Variants in WWOX observed in about 807,000 individuals in gnomAD.
The protein encoded by WWOX is WW domain-containing oxidoreductase.
In WWOX, 69 loss-of-function variants were observed where a neutral mutation model predicts 46.2. That is an observed-to-expected ratio of 1.49 (90% CI 1.23 to 1.82). The LOEUF is 1.82. WWOX is among the 40% of genes most tolerant of loss of function. The probability of loss-of-function intolerance (pLI) is 0.00; values close to 1 mark genes in which losing one functional copy is unlikely to be tolerated. For synonymous variants in WWOX, 359 were observed against 202.6 expected (o/e 1.77, Z -6.56); for missense variants, 919 against 542.6 (o/e 1.69, Z -6.89).
intron 8 of WWOX, among the ~76,000 whole-genome samples, chr16:78,607,707 G>T (rs1106507): frequency 0.12 from 17,362 of 150,554 alleles, 1,679 homozygotes; most frequent in African/African-American, 0.27. Flanking sequence ...AGAAAAACTG[G>T]AGTAGGGTGT....
intron 8 of WWOX, among the ~76,000 whole-genome samples, chr16:78,757,738 A>T (rs764787776): frequency 6.6e-6 from 1 of 151,746 alleles, no homozygotes; most frequent in Non-Finnish European, 1.5e-5. Flanking sequence ...TAAGTAAATA[A>T]ATTTTCCTAT....
At chr16:79,186,393 G>A (rs1366092071) in intron 8 of WWOX, among the ~76,000 whole-genome samples, 4 of 152,132 alleles carry the variant, frequency 2.6e-5, no homozygotes, top group African/African-American at 7.2e-5. Context: ...CAGTGGCAAC[G>A]CTTGGTGTTT....
chr16:78,704,920 G>GTTT (rs11374229), intron 8 of WWOX, among the ~76,000 whole-genome samples: 10 of 144,424 alleles, frequency 6.9e-5, no homozygotes, highest in South Asian at 2.2e-4. Flanking sequence ...AATACAACTT[G>GTTT]TTTTTTTTTT....
intron 8 of WWOX, among the ~76,000 whole-genome samples, chr16:78,639,367 C>T (rs2142109170): frequency 6.6e-6 from 1 of 152,288 alleles, no homozygotes; most frequent in South Asian, 2.1e-4. Flanking sequence ...TCATGGGAAC[C>T]TCATAACAGA....
In WWOX at chr16:78,961,053, A is replaced by T. The variant is rs76584029; in HGVS notation, c.1057-250555A>T. Among the ~76,000 whole-genome samples, 661 of 152,264 alleles carry T rather than the reference A, an allele frequency of 4.3e-3. 3 individuals are homozygous for T. Among genetic ancestry groups the T allele is most frequent in the African/African-American group, 0.015 (619 of 41,544 alleles). On this transcript the variant is annotated intron_variant, in intron 8 of 8. Coordinates refer to ENST00000566780, the MANE Select transcript of WWOX (RefSeq NM_016373.4). Reference sequence around the variant, plus strand: ...AATCAGCTCCATACATCTGGGCATGATGACCCTCAGGCCCTTGAGACTCAG... The same window carrying T: ...AATCAGCTCCATACATCTGGGCATGTTGACCCTCAGGCCCTTGAGACTCAG...
At chr16:78,358,296 G>C (rs2081339387) in intron 5 of WWOX, among the ~76,000 whole-genome samples, 1 of 152,126 alleles carries the variant, frequency 6.6e-6, no homozygotes, top group South Asian at 2.1e-4. Context: ...GTATCTATTT[G>C]ATTAAATTAG....
At chr16:78,347,484 A>T (rs1333595577) in intron 5 of WWOX, among the ~76,000 whole-genome samples, 1 of 117,060 alleles carries the variant, frequency 8.5e-6, no homozygotes, top group East Asian at 1.9e-4. Context: ...GTCCCCCCAC[A>T]TATCATTGCT....
chr16:79,135,245 T>G (rs548187731), intron 8 of WWOX, among the ~76,000 whole-genome samples: 5 of 152,224 alleles, frequency 3.3e-5, no homozygotes, highest in Non-Finnish European at 5.9e-5. Flanking sequence ...CTCATAAATA[T>G]GCATTCATAT....
chr16:79,085,895 CAA>C (rs946503972), intron 8 of WWOX, among the ~76,000 whole-genome samples: 2 of 151,804 alleles, frequency 1.3e-5, no homozygotes, highest in African/African-American at 4.8e-5. Flanking sequence ...AAAATAAAAA[CAA>C]AAAAATTAGC....
Position 78,402,063 on chromosome 16 carries a change from A to G in WWOX, c.605+15115A>G, listed in dbSNP as rs114930745. 4.3e-3 allele frequency among the ~76,000 whole-genome samples: 653 copies of G among 152,324 alleles called. 4 individuals carry two copies. The highest frequency in any genetic ancestry group is 0.015 in the African/African-American group (625 of 41,576). ...ATTACGTTCACAAAGTTACGTTACC[A>G]TTACCACTTTTGAATTGCAGAACAA... is the stretch of plus-strand genomic sequence containing the variant. On this transcript the variant is annotated intron_variant, in intron 6 of 8. Coordinates refer to ENST00000566780, the MANE Select transcript of WWOX (RefSeq NM_016373.4).
intron 5 of WWOX, among the ~76,000 whole-genome samples, chr16:78,385,697 C>T (rs529772364): frequency 1.4e-4 from 21 of 152,332 alleles, no homozygotes; most frequent in South Asian, 2.1e-4. Flanking sequence ...GTGCCATTTG[C>T]ATCCCCCTTC....
intron 8 of WWOX, among the ~76,000 whole-genome samples, chr16:78,968,216 A>T (rs948378752): frequency 1.3e-5 from 2 of 151,248 alleles, no homozygotes; most frequent in Non-Finnish European, 1.5e-5. Context: ...CAGCACATGG[A>T]CATGATTCAT....
intron 8 of WWOX, among the ~76,000 whole-genome samples, chr16:78,856,337 T>C (rs2052566020): frequency 6.6e-6 from 1 of 152,164 alleles, no homozygotes; most frequent in African/African-American, 2.4e-5. Flanking sequence ...GTGACTTTTA[T>C]CGAAGTAGAA....
Position 78,289,442 on chromosome 16 carries a change from GATTATT to G in WWOX, c.517-97416_517-97411del, listed in dbSNP as rs1357802984. ...ACTAATGAAAAAAAGGGGAAAAAAAGATTATTAGGCTGCAGGGTAGTGGGAAGGAAC... is the reference window on the plus strand; with the variant it reads ...ACTAATGAAAAAAAGGGGAAAAAAAGAGGCTGCAGGGTAGTGGGAAGGAAC... On this transcript the variant is annotated intron_variant, in intron 5 of 8. Transcript: ENST00000566780. Among the ~76,000 whole-genome samples, 5 of 152,136 alleles carry G rather than the reference GATTATT, an allele frequency of 3.3e-5. No homozygotes were observed. The East Asian group carries it at 7.7e-4, about 23-fold the overall frequency.
intron 8 of WWOX, among the ~76,000 whole-genome samples, chr16:79,029,320 C>T (rs1198823150): frequency 1.3e-5 from 2 of 152,208 alleles, no homozygotes; most frequent in Non-Finnish European, 2.9e-5. Flanking sequence ...AAGAGACGCA[C>T]ATCAGCCATT....
At chr16:78,198,320 C>T (rs548676934) in intron 5 of WWOX, among the ~76,000 whole-genome samples, 1 of 152,230 alleles carries the variant, frequency 6.6e-6, no homozygotes, top group South Asian at 2.1e-4. Flanking sequence ...AAACTAAAAA[C>T]GACACCCTCC....
intron 8 of WWOX, among the ~76,000 whole-genome samples, chr16:78,519,903 C>T (rs977138407): frequency 6.6e-6 from 1 of 152,084 alleles, no homozygotes; most frequent in African/African-American, 2.4e-5. Context: ...GGGATCGCAG[C>T]GTGAATGGAC....
At chr16:78,788,822 G>T (rs1350158781) in intron 8 of WWOX, among the ~76,000 whole-genome samples, 1 of 152,198 alleles carries the variant, frequency 6.6e-6, no homozygotes, top group African/African-American at 2.4e-5. Context: ...ATGGGGGGCA[G>T]TCTTGGGGAC....
At chr16:78,511,829 G>A (rs562478787) in intron 8 of WWOX, among the ~76,000 whole-genome samples, 3 of 152,312 alleles carry the variant, frequency 2.0e-5, no homozygotes, top group African/African-American at 4.8e-5. Context: ...TGTCAGAAGG[G>A]TCTGCTGGAA....
Sources: gnomAD v4.1 joint callset for allele counts (sites outside exome capture counted in the v4.1 genomes callset) on GRCh38, gnomAD v4.1.1 for gene constraint, MANE v1.5 for transcripts, NCBI Gene and HGNC (gene_info 2026-07-23, HGNC 2026-07-21) for gene names.